The following OC90 variants were observed in gnomAD, a reference collection of about 807,000 sequenced individuals.
OC90 encodes otoconin-90.
OC90 carries 46 observed loss-of-function variants against 47.3 expected under a neutral mutation model. That is an observed-to-expected ratio of 0.97 (90% CI 0.77 to 1.24). OC90 has a LOEUF of 1.24. Among genes scored for constraint, OC90 ranks in the 50% most tolerant of loss-of-function variants. The pLI, the probability that OC90 is intolerant of heterozygous loss-of-function variation, is 0.00. For missense variants in OC90, 688 were observed against 583.9 expected, an observed-to-expected ratio of 1.18 and a Z score of -1.84; for synonymous variants, 271 against 219.5, an observed-to-expected ratio of 1.23 and a Z score of -2.07.
intron 10 of OC90, 74 bp downstream of exon 10, chr8:132,034,707 A>G: frequency 9.9e-7 from 1 of 1,007,786 alleles, no homozygotes. Flanking sequence ...AACCCAGTTG[A>G]TATCATAAAT....
At chr8:132,045,372 T>G (rs767422214) in intron 3 of OC90, among the ~76,000 whole-genome samples, 23 of 152,310 alleles carry the variant, frequency 1.5e-4, no homozygotes, top group Non-Finnish European at 2.4e-4. Context: ...ACCTGAGAAG[T>G]GTTTATAAAC....
In OC90 at chr8:132,028,696, G is replaced by GAAAT. The variant is rs1398269931; in HGVS notation, c.1138+376_1138+377insATTT. 2.3e-5 allele frequency among the ~76,000 whole-genome samples: 3 copies of GAAAT among 127,946 alleles called. 1 individual carries two copies. The highest frequency in any genetic ancestry group is 5.0e-5 in the Non-Finnish European group (3 of 59,776). 83.9% of individuals were successfully genotyped at this position (127,946 alleles called of 152,430 possible). A position where few individuals can be genotyped will look rare whatever the true frequency, so the allele number is the denominator to read the frequency against. On this transcript the variant is annotated intron_variant, in intron 13 of 13. Transcript: ENST00000254627. ...ACAGAAAGAAAGAAAGAGAAAGAAA[G>GAAAT]AAAGAGAGACAGAAAGAAAGAAAGA...
intron 13 of OC90, among the ~76,000 whole-genome samples, chr8:132,025,602 T>C (rs1181025875): frequency 1.3e-5 from 2 of 152,080 alleles, no homozygotes; most frequent in Non-Finnish European, 2.9e-5. Flanking sequence ...AAGGAAAAGA[T>C]TGAGGGAAAA....
chr8:132,041,047 A>G lies in OC90; in HGVS notation c.454T>C (p.Cys152Arg), dbSNP rs1823045127. 8 of 1,573,664 alleles carry G rather than the reference A, an allele frequency of 5.1e-6. No homozygotes were observed. In the East Asian group the frequency reaches 1.8e-4, roughly 35 times the overall value. Residue 152 changes from cysteine (C) to arginine (R), a missense_variant, in exon 6 of 14, where the codon TGT becomes CGT. Cys to Arg is a radical substitution (Grantham distance 180). Coordinates refer to ENST00000254627, the MANE Select transcript of OC90 (RefSeq NM_001080399.3). ...TGGGACACCTGGAGATGCTTACCACATATGATCTTCTTGCTGACACAATTG... is the reference window on the plus strand; with the variant it reads ...TGGGACACCTGGAGATGCTTACCACGTATGATCTTCTTGCTGACACAATTG... The part of the protein sequence containing the change: ...EVNCVSKKII[C>R]ESKDNCEHLL...
chr8:132,042,381 A>T (rs1276761571), intron 4 of OC90, among the ~76,000 whole-genome samples: 2 of 152,122 alleles, frequency 1.3e-5, no homozygotes. Context: ...TATTTTTTTA[A>T]AAAAATCAAC....
Position 132,037,438 on chromosome 8 carries a change from CT to C in OC90, c.678del (p.Glu227LysfsTer23). 1 of 1,582,072 alleles carries C rather than the reference CT, an allele frequency of 6.3e-7. No individual in the cohort carries two copies. The highest frequency in any genetic ancestry group is 8.6e-7 in the Non-Finnish European group (1 of 1,162,624). ...TCCACACTAGCCCCTTCTGGCTCAC[CT>C]TCTCCTGAAAGGGCTGTCAGGCTGG... ...TDTSLTALSG[E>X]EAGHDQEGVG... On this transcript the variant is annotated frameshift_variant and splice_region_variant, in exon 9 of 14. Coordinates refer to ENST00000254627, the MANE Select transcript of OC90 (RefSeq NM_001080399.3). LOFTEE classifies it high-confidence loss of function.
chr8:132,054,861 A>G (rs924905768), intron 2 of OC90, 120 bp downstream of exon 2: 6 of 589,014 alleles, frequency 1.0e-5, no homozygotes, highest in Admixed American at 3.6e-5. Flanking sequence ...TTATAGAAAG[A>G]TAAGGACATT....
At chr8:132,041,256 G>A in intron 5 of OC90, 100 bp from the exon 6 acceptor site, 1 of 772,998 alleles carries the variant, frequency 1.3e-6, no homozygotes, top group Admixed American at 2.2e-5. Context: ...GATCCTGGCA[G>A]TGGTCTATTT....
intron 10 of OC90, among the ~76,000 whole-genome samples, chr8:132,033,853 G>A (rs1822913474): frequency 6.6e-6 from 1 of 152,298 alleles, no homozygotes; most frequent in Middle Eastern, 3.4e-3. Context: ...ACAGCAGCAG[G>A]CTCAGCCCCA....
chr8:132,030,782 G>A (rs986786866), intron 12 of OC90, among the ~76,000 whole-genome samples: 6 of 152,188 alleles, frequency 3.9e-5, no homozygotes, highest in Admixed American at 3.3e-4. Context: ...AAATCTCAGA[G>A]GTGGATAATG....
At chr8:132,028,807 G>GAA (rs377124546) in intron 13 of OC90, among the ~76,000 whole-genome samples, 1,041 of 67,740 alleles carry the variant, frequency 0.015, 27 homozygotes, top group African/African-American at 0.02. Flanking sequence ...AGGAAAGAAA[G>GAA]AAAGAAAGAA....
intron 11 of OC90, 53 bp downstream of exon 11, chr8:132,032,979 TGTTCACA>T (rs2130853328): frequency 1.3e-6 from 2 of 1,568,532 alleles, no homozygotes; most frequent in East Asian, 4.6e-5. Context: ...CTACGGTGAT[TGTTCACA>T]GCCTCACCAA....
intron 2 of OC90, among the ~76,000 whole-genome samples, chr8:132,047,800 T>C (rs1393125606): frequency 6.6e-6 from 1 of 152,236 alleles, no homozygotes; most frequent in East Asian, 1.9e-4. Context: ...TATAAAATGG[T>C]CATCTATGAA....
intron 8 of OC90, among the ~76,000 whole-genome samples, chr8:132,037,868 T>C (rs1485794213): frequency 2.6e-5 from 4 of 152,148 alleles, no homozygotes; most frequent in Non-Finnish European, 5.9e-5. Flanking sequence ...CATAGAGATA[T>C]GACATGCACA....
chr8:132,059,229 C>G (rs1451548253), intron 1 of OC90, 112 bp downstream of exon 1: 2 of 149,274 alleles, frequency 1.3e-5, no homozygotes, highest in Non-Finnish European at 3.0e-5. Context: ...TTCTCTTTCT[C>G]CCTCCCTTCT....
chr8:132,044,854 C>A (rs543588860), intron 3 of OC90, among the ~76,000 whole-genome samples: 9 of 152,192 alleles, frequency 5.9e-5, no homozygotes, highest in Non-Finnish European at 1.3e-4. Flanking sequence ...AGAAATTATA[C>A]CCACGAGGTC....
At position 132,024,556 on chromosome 8, in the gene OC90, C is replaced by G; in HGVS notation, c.1359G>C (p.Glu453Asp). ...EEDSEEDPPQ[E>D]DLGRAKRFLR... Reference sequence around the variant, plus strand: ...GAAACCTCTTGGCTCTGCCGAGGTCCTCCTGTGGAGGGTCCTCCTCGCTGT... The same window carrying G: ...GAAACCTCTTGGCTCTGCCGAGGTCGTCCTGTGGAGGGTCCTCCTCGCTGT... Residue 453 changes from glutamate to aspartate, a missense_variant, in exon 14 of 14, where the codon GAG becomes GAC. Glu to Asp is a conservative substitution (Grantham distance 45). Transcript: ENST00000254627. 1.2e-6 allele frequency: 2 copies of G among 1,610,620 alleles called. No homozygotes were observed. The highest frequency in any genetic ancestry group is 1.7e-6 in the Non-Finnish European group (2 of 1,177,478).
At chr8:132,059,188 T>C in intron 1 of OC90, among the ~76,000 whole-genome samples, 153 bp downstream of exon 1, 1 of 139,410 alleles carries the variant, frequency 7.2e-6, no homozygotes, top group African/African-American at 2.7e-5. Context: ...CCTCCCTCAC[T>C]CTTTTCCTCC....
At chr8:132,038,529 T>G (rs871960) in intron 8 of OC90, among the ~76,000 whole-genome samples, 111,212 of 152,176 alleles carry the variant, frequency 0.73, 40,866 homozygotes, top group East Asian at 0.77. Context: ...TGAACTTGGG[T>G]TCTACATCCA....
Sources: gnomAD v4.1 joint callset for allele counts (sites outside exome capture counted in the v4.1 genomes callset) on GRCh38, gnomAD v4.1.1 for gene constraint, MANE v1.5 for transcripts, NCBI Gene and HGNC (gene_info 2026-07-23, HGNC 2026-07-21) for gene names.